KNL1: variants seen among roughly 807,000 people sequenced by gnomAD.
KNL1 encodes the protein outer kinetochore KNL1 complex subunit KNL1.
KNL1 carries 66 observed loss-of-function variants against 201.3 expected under a neutral mutation model. The observed-to-expected ratio is 0.33, with a 90% CI of 0.27 to 0.40. The LOEUF (loss-of-function observed/expected upper bound fraction) is 0.40. KNL1 is among the 10% of genes least tolerant of loss of function. KNL1 has a pLI of 1.00. For synonymous variants in KNL1, 895 were observed against 899.2 expected (o/e 1.00, Z 0.08); for missense variants, 2,815 against 2,690.5 (o/e 1.05, Z -1.02).
chr15:40,615,626 G>A, intron 8 of KNL1: 1 of 178,660 alleles, frequency 5.6e-6, no homozygotes, highest in Non-Finnish European at 1.2e-5. Context: ...AAGTAGCTGG[G>A]CGTGGTGGTG....
intron 25 of KNL1, among the ~76,000 whole-genome samples, chr15:40,660,651 C>T (rs1283326971): frequency 4.5e-5 from 5 of 110,066 alleles, no homozygotes; most frequent in Non-Finnish European, 6.8e-5. Flanking sequence ...GGAGACAAAG[C>T]GAAACTCCGT....
intron 13 of KNL1, among the ~76,000 whole-genome samples, chr15:40,640,093 C>CTTTTTTTTTTTTTTTTTTTTTTTTTT (rs1893180630): frequency 7.3e-6 from 1 of 137,740 alleles, no homozygotes. Context: ...TTCTTTTTTT[C>CTTTTTTTTTTTTTTTTTTTTTTTTTT]TTTTCTTTTT....
At chr15:40,607,237 C>A (rs1055041886) in intron 4 of KNL1, among the ~76,000 whole-genome samples, 2 of 152,184 alleles carry the variant, frequency 1.3e-5, no homozygotes, top group Non-Finnish European at 2.9e-5. Context: ...GTGCCAACAT[C>A]GTAACAAAGT....
rs1893340126 is a variant in KNL1, at chr15:40,644,916, TC to T, written c.5799-80del. 12 of 803,042 alleles carry T rather than the reference TC, an allele frequency of 1.5e-5. No homozygotes were observed. The South Asian group carries it at 2.1e-4, about 14-fold the overall frequency. The allele number at this position is 803,042 out of a possible 1,614,324, so 49.7% of individuals were successfully genotyped here. ...CTTTTTCCAAATGGAGTCTCTTACGTCTTTCCTTTCTACATAGACACAGTAA... is the reference window on the plus strand; with the variant it reads ...CTTTTTCCAAATGGAGTCTCTTACGTTTTCCTTTCTACATAGACACAGTAA... On this transcript the variant is annotated intron_variant, in intron 14 of 25. Coordinates refer to ENST00000399668, the MANE Select transcript of KNL1 (RefSeq NM_144508.5).
intron 8 of KNL1, among the ~76,000 whole-genome samples, chr15:40,617,180 C>G (rs1261500950): frequency 6.6e-6 from 1 of 152,190 alleles, no homozygotes; most frequent in Non-Finnish European, 1.5e-5. Flanking sequence ...AACTCCTGAC[C>G]TCAGATGATC....
intron 1 of KNL1, among the ~76,000 whole-genome samples, chr15:40,594,666 C>A (rs1891569844): frequency 6.6e-6 from 1 of 152,230 alleles, no homozygotes; most frequent in Non-Finnish European, 1.5e-5. Context: ...GCTTGTCCGT[C>A]GCTCTCTTGG....
chr15:40,612,037 G>T (rs542228901), intron 7 of KNL1, among the ~76,000 whole-genome samples: 4 of 151,992 alleles, frequency 2.6e-5, no homozygotes, highest in Non-Finnish European at 5.9e-5. Context: ...CAAAAAATTG[G>T]CCGGGCACAG....
chr15:40,662,184 A>T lies in KNL1; in HGVS notation c.6947A>T (p.His2316Leu). The change falls in exon 26 of 26, where the codon CAC becomes CTC. Residue 2316 changes from histidine (H) to leucine (L), a missense_variant. By Grantham distance (99) the His-to-Leu change is moderately conservative. Transcript: ENST00000399668. ...QDLFQDCHFY[H>L] The stretch of plus-strand genomic sequence containing the variant: ...CTGTTTCAGGACTGCCATTTCTACC[A>T]CTAGACCCTTGGACCACCATTGGAA... The T allele has an allele frequency of 6.4e-7, 1 of 1,560,648 alleles. No individual in the cohort carries two copies. The highest frequency in any genetic ancestry group is 8.8e-7 in the Non-Finnish European group (1 of 1,131,902).
At position 40,623,284 on chromosome 15, in the gene KNL1, G is replaced by A. The variant is rs765503077; in HGVS notation, c.3020G>A (p.Arg1007His). ...TTTCCAGGAAATGGTGAAAGTGACC[G>A]TCTAGTAGCAAATGACAGCCAGCTA... ...VFFPGNGESD[R>H]LVANDSQLTP... The change falls in exon 10 of 26, where the codon CGT becomes CAT. Residue 1007 changes from arginine to histidine, a missense_variant. Physicochemically the swap from Arg to His is conservative, Grantham distance 29. This residue lies in a region of KNL1 where 2,464 missense variants were observed against 2,291.7 expected (regional missense o/e 1.08). Transcript: ENST00000399668. The A allele has an allele frequency of 2.8e-5, 45 of 1,613,728 alleles. No homozygotes were observed. The highest frequency in any genetic ancestry group is 1.7e-4 in the Admixed American group (10 of 59,962).
chr15:40,594,592 G>T (rs1280569627), intron 1 of KNL1, among the ~76,000 whole-genome samples, 200 bp downstream of exon 1: 1 of 152,108 alleles, frequency 6.6e-6, no homozygotes, highest in African/African-American at 2.4e-5. Flanking sequence ...ACGTTGTGCC[G>T]CCTCCCGCTT....
Position 40,644,675 on chromosome 15 carries a change from G to A in KNL1, c.5799-322G>A, listed in dbSNP as rs1366390402. Among the ~76,000 whole-genome samples, 3 of 152,368 alleles carry A rather than the reference G, an allele frequency of 2.0e-5. No homozygotes were observed. In the East Asian group the frequency reaches 5.8e-4, roughly 29 times the overall value. ...GTGCATTGTGCCCCTGGTTTATTGA[G>A]ACTAGAGAATAGCGATGACTTTTAC... On this transcript the variant is annotated intron_variant, in intron 14 of 25. Transcript: ENST00000399668.
chr15:40,635,186 C>CT (rs905292620), intron 13 of KNL1, among the ~76,000 whole-genome samples: 4 of 146,522 alleles, frequency 2.7e-5, no homozygotes, highest in African/African-American at 1.0e-4. Context: ...GTAGCTGGGA[C>CT]TACAGGCACC....
intron 19 of KNL1, among the ~76,000 whole-genome samples, 182 bp downstream of exon 19, chr15:40,650,765 T>TA (rs1182428102): frequency 2.0e-5 from 3 of 152,186 alleles, no homozygotes; most frequent in Admixed American, 6.5e-5. Flanking sequence ...TTGAAGCACT[T>TA]ATTGTTTACA....
rs746751075 is a variant in KNL1 at position 40,622,429 on chromosome 15, T to G, written c.2165T>G (p.Val722Gly). Residue 722 changes from valine (V) to glycine (G), a missense_variant, in exon 10 of 26, where the codon GTG (valine) becomes GGG (glycine). This residue lies in a region of KNL1 where 2,464 missense variants were observed against 2,291.7 expected (regional missense o/e 1.08). Transcript: ENST00000399668. ...NHDTAISSHT[V>G]KSVLGQNSKL... is the part of the protein sequence containing the mutation. ...GATACTGCTATAAGTAGTCATACAG[T>G]GAAATCTGTACTAGGCCAGAATTCT... 6.2e-7 allele frequency: 1 copy of G among 1,613,764 alleles called. No individual in the cohort carries two copies. Among genetic ancestry groups the G allele is most frequent in the Middle Eastern group, 1.6e-4 (1 of 6,084 alleles).
chr15:40,628,810 C>T (rs1031141616), intron 12 of KNL1, 132 bp downstream of exon 12: 2 of 525,982 alleles, frequency 3.8e-6, no homozygotes, highest in Admixed American at 6.8e-5. Flanking sequence ...ATACAGAAGA[C>T]TACTTTTCTT....
intron 13 of KNL1, among the ~76,000 whole-genome samples, chr15:40,639,384 G>A (rs1175432187): frequency 1.3e-5 from 2 of 151,652 alleles, no homozygotes; most frequent in East Asian, 2.0e-4. Context: ...CCAGGAGTTC[G>A]AGACCAGCCT....
At position 40,624,850 on chromosome 15, in the gene KNL1, C is replaced by T; in HGVS notation, c.4586C>T (p.Thr1529Ile). 1 of 1,612,736 alleles carries T rather than the reference C, an allele frequency of 6.2e-7. No individual in the cohort carries two copies. Among genetic ancestry groups the T allele is most frequent in the African/African-American group, 1.3e-5 (1 of 75,008 alleles). ...ALDFHSNSDV[T>I]KQVIQTHVNA... ...GATTTCCACAGTAACTCAGACGTAA[C>T]TAAGCAAGTCATTCAAACTCATGTC... is the stretch of plus-strand genomic sequence containing the variant. The change falls in exon 10 of 26, where the codon ACT becomes ATT. Residue 1529 changes from threonine (T) to isoleucine (I), a missense_variant. By Grantham distance (89) the Thr-to-Ile change is moderately conservative. Transcript: ENST00000399668.
Position 40,662,102 on chromosome 15 carries a change from A to G in KNL1, c.6865A>G (p.Lys2289Glu), listed in dbSNP as rs1236523279. ...SQDDIATILS[K>E]VPLENNYLKN... Reference sequence around the variant, plus strand: ...AGATGATATTGCTACCATTCTATCTAAAGTGCCACTGGAGAACAACTACCT... The same window carrying G: ...AGATGATATTGCTACCATTCTATCTGAAGTGCCACTGGAGAACAACTACCT... The change falls in exon 26 of 26, where the codon AAA becomes GAA. Residue 2289 changes from lysine (K) to glutamate (E), a missense_variant. By Grantham distance (56) the Lys-to-Glu change is moderately conservative (BLOSUM62 1). Coordinates refer to ENST00000399668, the MANE Select transcript of KNL1 (RefSeq NM_144508.5). 5 of 1,608,364 alleles carry G rather than the reference A, an allele frequency of 3.1e-6. No homozygotes were observed. In the African/African-American group the frequency reaches 5.3e-5, roughly 17 times the overall value.
Position 40,602,898 on chromosome 15 carries a change from T to G in KNL1, c.-17-17T>G. ...TCCTTTTTCCTCATGTTTTCTAATA[T>G]TGTATATTTGTTACAGAAAAGTTTT... On this transcript the variant is annotated splice_polypyrimidine_tract_variant and intron_variant, in intron 1 of 25. Transcript: ENST00000399668. 1 of 1,390,614 alleles carries G rather than the reference T, an allele frequency of 7.2e-7. No homozygotes were observed. Among genetic ancestry groups the G allele is most frequent in the Non-Finnish European group, 1.0e-6 (1 of 984,934 alleles). 86.1% of individuals were successfully genotyped at this position (1,390,614 alleles called of 1,614,324 possible).
Sources: gnomAD v4.1 joint callset for allele counts (sites outside exome capture counted in the v4.1 genomes callset) on GRCh38, gnomAD v4.1.1 for gene constraint, gnomAD v4.1.1 regional missense constraint, MANE v1.5 for transcripts, NCBI Gene and HGNC (gene_info 2026-07-23, HGNC 2026-07-21) for gene names.